The following INCA1 variants were observed in gnomAD, a reference collection of about 807,000 sequenced individuals.
INCA1 encodes inhibitor of CDK, cyclin A1 interacting protein 1.
A neutral mutation model predicts 25.7 loss-of-function variants in INCA1; 28 were observed. The observed-to-expected ratio is 1.09, with a 90% CI of 0.81 to 1.49. The LOEUF is 1.49. INCA1 is among the 40% of genes most tolerant of loss of function. The pLI is 0.00. For missense variants in INCA1, 309 were observed against 290.9 expected (o/e 1.06, Z -0.45); for synonymous variants, 111 against 103.6 (o/e 1.07, Z -0.43).
Position 4,989,908 on chromosome 17 carries a change from CT to C in INCA1, c.179del (p.Gln60ArgfsTer7), listed in dbSNP as rs1567708425. On this transcript the variant is annotated frameshift_variant, in exon 4 of 7. Transcript: ENST00000576820. LOFTEE classifies it high-confidence loss of function. ...GTCTTACCAGCATGGGTGGAATGTG[CT>C]GCTCCTCCAGCCAAGTGGGGCTGTG... is the stretch of plus-strand genomic sequence containing the variant. 4 of 1,614,204 alleles carry C rather than the reference CT, an allele frequency of 2.5e-6. No homozygotes were observed. The East Asian group carries it at 8.9e-5, about 36-fold the overall frequency.
At chr17:4,990,979 C>T (rs923980470) in intron 2 of INCA1, among the ~76,000 whole-genome samples, 1 of 151,430 alleles carries the variant, frequency 6.6e-6, no homozygotes, top group Admixed American at 6.6e-5. Context: ...AGTGCAATGG[C>T]ACGATCTCGG....
At chr17:4,989,011 C>G in intron 5 of INCA1, 67 bp from the exon 6 acceptor site, 1 of 1,490,564 alleles carries the variant, frequency 6.7e-7, no homozygotes, top group South Asian at 1.2e-5. Context: ...CCATTCTTCA[C>G]CTTTCTGTTC....
rs773139207 is a variant in INCA1 at position 4,988,551 on chromosome 17, GC to G, written c.564del (p.Leu189PhefsTer58). 6.2e-7 allele frequency: 1 copy of G among 1,609,100 alleles called. No homozygotes were observed. The highest frequency in any genetic ancestry group is 1.7e-5 in the Admixed American group (1 of 58,224). On this transcript the variant is annotated frameshift_variant and splice_region_variant, in exon 7 of 7. Coordinates refer to ENST00000576820, the Ensembl canonical transcript of INCA1. LOFTEE classifies it low-confidence loss of function (END_TRUNC). ...TCCAGGGGGCTCCAGGGAGACCAAA[GC>G]AGCTGTCAAGATGAGAGAAATTGAA... is the stretch of plus-strand genomic sequence containing the variant.
chr17:4,995,305 G>A (rs1435312673), intron 1 of INCA1, among the ~76,000 whole-genome samples: 1 of 152,202 alleles, frequency 6.6e-6, no homozygotes, highest in Non-Finnish European at 1.5e-5. Context: ...AGATAAAGGA[G>A]AAAGCAAATC....
chr17:4,993,110 C>A (rs980936124), intron 2 of INCA1, among the ~76,000 whole-genome samples: 1 of 150,534 alleles, frequency 6.6e-6, no homozygotes, highest in Admixed American at 6.6e-5. Flanking sequence ...GAACCCCTGA[C>A]CTAAGGTAAT....
chr17:4,994,378 C>T lies in INCA1; in HGVS notation c.44+16G>A, dbSNP rs760748200. ...CCATCCCATCCCCATGCTCCCCACCCAGTGGGAGGACTCACTTGGCAAAGG... is the reference window on the plus strand; with the variant it reads ...CCATCCCATCCCCATGCTCCCCACCTAGTGGGAGGACTCACTTGGCAAAGG... On this transcript the variant is annotated intron_variant, in intron 2 of 6. Transcript: ENST00000576820. The T allele has an allele frequency of 5.0e-6, 8 of 1,612,706 alleles. No homozygotes were observed. In the Admixed American group the frequency reaches 1.2e-4, roughly 24 times the overall value.
chr17:4,991,516 G>A (rs955627801), intron 2 of INCA1, among the ~76,000 whole-genome samples: 16 of 152,156 alleles, frequency 1.1e-4, no homozygotes, highest in African/African-American at 3.6e-4. Context: ...AACACTGCTC[G>A]TCACTTCCAA....
chr17:4,995,161 C>T (rs1974150020), intron 1 of INCA1, among the ~76,000 whole-genome samples: 1 of 151,074 alleles, frequency 6.6e-6, no homozygotes, highest in African/African-American at 2.4e-5. Flanking sequence ...GCTGAAATTG[C>T]ACCACTGCAC....
chr17:4,997,376 C>T (rs553001250), upstream of INCA1: 1 of 152,418 alleles, frequency 6.6e-6, no homozygotes, highest in South Asian at 2.1e-4. Context: ...TAGGCGGCAC[C>T]CGGGCCTGAA....
chr17:4,989,829 C>G lies in INCA1; in HGVS notation c.198+61G>C. 6 of 1,612,426 alleles carry G rather than the reference C, an allele frequency of 3.7e-6. No homozygotes were observed. The South Asian group carries it at 6.6e-5, about 18-fold the overall frequency. ...AAGCGGTAATAAGGAGAGCTTGGGACAGGACAGCAGTGGGTGCAATTTTAA... is the reference window on the plus strand; with the variant it reads ...AAGCGGTAATAAGGAGAGCTTGGGAGAGGACAGCAGTGGGTGCAATTTTAA... On this transcript the variant is annotated intron_variant, in intron 4 of 6. Coordinates refer to ENST00000576820, the Ensembl canonical transcript of INCA1.
At chr17:4,991,952 G>C (rs1973900384) in intron 2 of INCA1, among the ~76,000 whole-genome samples, 1 of 151,982 alleles carries the variant, frequency 6.6e-6, no homozygotes, top group Non-Finnish European at 1.5e-5. Flanking sequence ...TGTTGCAATG[G>C]TCTCTTCCCC....
chr17:4,988,846 T>G, exon 6 of INCA1: 1 of 1,614,218 alleles, frequency 6.2e-7, no homozygotes, highest in South Asian at 1.1e-5. Flanking sequence ...CTCTTCCAGA[T>G]CAGGGTATTC....
At chr17:4,988,297 C>G (rs1188116393) in exon 7 of INCA1, 1 of 1,274,228 alleles carries the variant, frequency 7.8e-7, no homozygotes, top group Non-Finnish European at 1.1e-6. Context: ...GTTGGAGAGA[C>G]GAAGGAAGGG....
At position 4,994,508 on chromosome 17, in the gene INCA1, C is replaced by T. The variant is rs376292093; in HGVS notation, c.-38-33G>A. 5.1e-5 allele frequency: 79 copies of T among 1,550,906 alleles called. 1 individual carries two copies. The highest frequency in any genetic ancestry group is 1.8e-4 in the East Asian group (8 of 44,332). ...GATAATGGAAAAGAAGTCATTCATT[C>T]GGGCTGGATGTGGTGGCTCACGCCT... On this transcript the variant is annotated intron_variant, in intron 1 of 6. Transcript: ENST00000576820.
intron 1 of INCA1, 34 bp from the exon 2 acceptor site, chr17:4,994,509 G>C (rs891916172): frequency 1.9e-6 from 3 of 1,547,136 alleles, no homozygotes; most frequent in South Asian, 2.2e-5. Context: ...TCATTCATTC[G>C]GGCTGGATGT....
At chr17:4,988,271 G>T in exon 7 of INCA1, 1 of 1,001,338 alleles carries the variant, frequency 1.0e-6, no homozygotes, top group South Asian at 1.8e-5. Flanking sequence ...GCCTAGTTCA[G>T]AGGATGGGAA....
rs1301237191 is a variant in INCA1, at chr17:4,988,790, C to T, written c.550G>A (p.Gly184Ser). 5.6e-6 allele frequency: 9 copies of T among 1,614,204 alleles called. No individual in the cohort carries two copies. The South Asian group carries it at 8.8e-5, about 16-fold the overall frequency. ...CACTCCAACAATACCTGGGCCCTGC[C>T]AGGAGTGAGAAAACGGTCCTCTTCC... Residue 184 changes from glycine to serine, a missense_variant, in exon 6 of 7, where the codon GGC (glycine) becomes AGC (serine). Coordinates refer to ENST00000576820, the Ensembl canonical transcript of INCA1.
At chr17:4,990,570 C>T (rs998878751) in intron 2 of INCA1, among the ~76,000 whole-genome samples, 3 of 152,022 alleles carry the variant, frequency 2.0e-5, no homozygotes, top group African/African-American at 7.2e-5. Context: ...GAAAAATTGT[C>T]TTGGGCCACA....
chr17:4,990,230 C>T (rs1973774243), exon 3 of INCA1: 4 of 1,614,052 alleles, frequency 2.5e-6, no homozygotes, highest in South Asian at 2.2e-5. Context: ...GGAAGGCAAC[C>T]TTGGGGGTGG....
Sources: gnomAD v4.1 joint callset for allele counts (sites outside exome capture counted in the v4.1 genomes callset) on GRCh38, gnomAD v4.1.1 for gene constraint, MANE v1.5 for transcripts, NCBI Gene and HGNC (gene_info 2026-07-23, HGNC 2026-07-21) for gene names.